Variants in ITPRID2 observed in about 807,000 individuals in gnomAD.
The protein encoded by ITPRID2 is protein ITPRID2.
ITPRID2 carries 60 observed loss-of-function variants against 124.3 expected under a neutral mutation model. The observed-to-expected ratio is 0.48, with a 90% CI of 0.39 to 0.60. The LOEUF (loss-of-function observed/expected upper bound fraction) is 0.60. Among genes scored for constraint, ITPRID2 ranks in the 20% least tolerant of loss-of-function variants. The probability of loss-of-function intolerance (pLI) is 0.00; values close to 1 mark genes in which losing one functional copy is unlikely to be tolerated. For synonymous variants in ITPRID2, 521 were observed against 542.9 expected (o/e 0.96, Z 0.56); for missense variants, 1,553 against 1,512.2 (o/e 1.03, Z -0.45).
intron 11 of ITPRID2, chr2:181,917,543 C>T (rs1015608418): frequency 3.3e-5 from 5 of 152,230 alleles, no homozygotes; most frequent in Non-Finnish European, 7.3e-5. Context: ...GTGCATCTTT[C>T]TAGGCCACCT....
intron 9 of ITPRID2, among the ~76,000 whole-genome samples, chr2:181,912,975 T>A (rs1487478455): frequency 6.6e-6 from 1 of 152,244 alleles, no homozygotes; most frequent in African/African-American, 2.4e-5. Context: ...ACCTTATACA[T>A]TTGCATCATT....
rs145696499 is a variant in ITPRID2 at position 181,911,639 on chromosome 2, C to A, written c.1486+1668C>A. On this transcript the variant is annotated intron_variant, in intron 9 of 17. Coordinates refer to ENST00000431877, the MANE Select transcript of ITPRID2 (RefSeq NM_001130445.3). ...GAAATCATATATTGTATCTTTAGGA[C>A]AGAGATCTAATCCTTTTTTATAGTT... is the stretch of plus-strand genomic sequence containing the variant. Among the ~76,000 whole-genome samples, 249 of 152,184 alleles carry A rather than the reference C, an allele frequency of 1.6e-3. 1 individual carries two copies. Among genetic ancestry groups the A allele is most frequent in the African/African-American group, 5.5e-3 (227 of 41,540 alleles).
chr2:181,913,903 T>C lies in ITPRID2; in HGVS notation c.1545T>C (p.Ser515=). 6.2e-7 allele frequency: 1 copy of C among 1,613,460 alleles called. No individual in the cohort carries two copies. Among genetic ancestry groups the C allele is most frequent in the South Asian group, 1.1e-5 (1 of 91,022 alleles). ...ATAGCAGTGGTTTTGCTGAAGATTC[T>C]ACAGACTGCCTATCCCTTAATCATC... The part of the protein sequence containing the change: ...HSDSSGFAED[S]TDCLSLNHLQ... The change falls in exon 10 of 18, where the codon TCT becomes TCC. Residue 515 remains serine, a synonymous_variant. Transcript: ENST00000431877.
intron 6 of ITPRID2, 37 bp from the exon 7 acceptor site, chr2:181,900,659 A>G: frequency 2.8e-6 from 4 of 1,429,016 alleles, no homozygotes; most frequent in Non-Finnish European, 3.9e-6. Context: ...TTTATTTTAT[A>G]TTTTCATGTT....
rs1438609559 is a variant in ITPRID2 at position 181,922,058 on chromosome 2, C to G, written c.3321C>G (p.Ser1107=). ...PPGESSESVF[S]QATSESSSVC... Reference sequence around the variant, plus strand: ...GAGAAAGCTCAGAATCTGTTTTTTCCCAAGCAACATCAGAATCATCTTCTG... The same window carrying G: ...GAGAAAGCTCAGAATCTGTTTTTTCGCAAGCAACATCAGAATCATCTTCTG... The change falls in exon 16 of 18, where the codon TCC becomes TCG. Residue 1107 remains serine, a synonymous_variant. Transcript: ENST00000431877. The G allele has an allele frequency of 1.2e-6, 2 of 1,613,998 alleles. No individual in the cohort carries two copies. The highest frequency in any genetic ancestry group is 8.5e-7 in the Non-Finnish European group (1 of 1,180,026).
chr2:181,906,675 G>T (rs1030147607), intron 8 of ITPRID2, among the ~76,000 whole-genome samples: 4 of 151,970 alleles, frequency 2.6e-5, no homozygotes, highest in Non-Finnish European at 5.9e-5. Flanking sequence ...GGCAGTTGAG[G>T]CTGCAGTGAG....
chr2:181,928,770 C>T (rs888060944), intron 17 of ITPRID2, among the ~76,000 whole-genome samples: 8 of 152,132 alleles, frequency 5.3e-5, no homozygotes, highest in East Asian at 1.9e-4. Flanking sequence ...GGACTACAGG[C>T]GCCAGCCACT....
rs1424265599 is a variant in ITPRID2 at position 181,892,317 on chromosome 2, G to C, written c.211+40G>C. On this transcript the variant is annotated intron_variant, in intron 1 of 17. Coordinates refer to ENST00000431877, the MANE Select transcript of ITPRID2 (RefSeq NM_001130445.3). The surrounding 1 kb of genome is among the most constrained non-coding windows in gnomAD (Gnocchi z 5.2). ...CCGGGCTCCGGGGGGAGGCTGGTGG[G>C]CTGGGGAGAGTCTCGTGCGCCCTGG... 6.6e-7 allele frequency: 1 copy of C among 1,513,438 alleles called. No homozygotes were observed. The highest frequency in any genetic ancestry group is 2.0e-5 in the Admixed American group (1 of 49,324). The allele number at this position is 1,513,438 out of a possible 1,614,324, so 93.8% of individuals were successfully genotyped here. A position where few individuals can be genotyped will look rare whatever the true frequency, so the allele number is the denominator to read the frequency against.
chr2:181,929,567 A>G lies in ITPRID2; in HGVS notation c.*20A>G, dbSNP rs781184652. 3.8e-5 allele frequency: 62 copies of G among 1,610,856 alleles called. No individual in the cohort carries two copies. The Admixed American group carries it at 9.4e-4, about 24-fold the overall frequency. The stretch of plus-strand genomic sequence containing the variant: ...TTCTCTTTTCTTTTTTAAGGTTGGC[A>G]TGGATCCTATTAGCTGTGTAATACT... On this transcript the variant is annotated 3_prime_UTR_variant, in exon 18 of 18. Coordinates refer to ENST00000431877, the MANE Select transcript of ITPRID2 (RefSeq NM_001130445.3).
chr2:181,892,772 A>T lies in ITPRID2; in HGVS notation c.257+112A>T. 3 of 1,319,530 alleles carry T rather than the reference A, an allele frequency of 2.3e-6. No individual in the cohort carries two copies. Among genetic ancestry groups the T allele is most frequent in the Non-Finnish European group, 3.2e-6 (3 of 928,004 alleles). 81.7% of individuals were successfully genotyped at this position (1,319,530 alleles called of 1,614,324 possible). On this transcript the variant is annotated intron_variant, in intron 2 of 17. Transcript: ENST00000431877. The surrounding 1 kb of genome is among the most constrained non-coding windows in gnomAD (Gnocchi z 5.2). Reference sequence around the variant, plus strand: ...GGGTCCCGCGACCGTTGTAAGCTACAAACCGGAAAGTGAGCCGGCGGATAG... The same window carrying T: ...GGGTCCCGCGACCGTTGTAAGCTACTAACCGGAAAGTGAGCCGGCGGATAG...
In ITPRID2 at chr2:181,928,817, G is replaced by T. The variant is rs957036289; in HGVS notation, c.*13+539G>T. On this transcript the variant is annotated intron_variant, in intron 17 of 17. Transcript: ENST00000431877. Reference sequence around the variant, plus strand: ...ATTTTTTGTATTTTTTAGTAGAGACGGGGTTTCACCGTTTTAGCCGGGATG... The same window carrying T: ...ATTTTTTGTATTTTTTAGTAGAGACTGGGTTTCACCGTTTTAGCCGGGATG... 4.6e-5 allele frequency among the ~76,000 whole-genome samples: 7 copies of T among 152,012 alleles called. 1 individual carries two copies. In the South Asian group the frequency reaches 1.5e-3, roughly 32 times the overall value.
chr2:181,892,895 CGTGTTA>C lies in ITPRID2; in HGVS notation c.257+237_257+242del. The C allele has an allele frequency of 1.7e-6, 1 of 585,792 alleles. No individual in the cohort carries two copies. The highest frequency in any genetic ancestry group is 3.1e-6 in the Non-Finnish European group (1 of 326,902). 36.3% of individuals were successfully genotyped at this position (585,792 alleles called of 1,614,324 possible). On this transcript the variant is annotated intron_variant, in intron 2 of 17. Coordinates refer to ENST00000431877, the MANE Select transcript of ITPRID2 (RefSeq NM_001130445.3). This position sits in a 1 kb window ranked among gnomAD's most constrained non-coding sequence, Gnocchi z 5.2. ...GTTAGGACTTGAGCTACTCACGCAT[CGTGTTA>C]GCATCAGAGATCAGAAATCCAGAAC...
rs10171957 is a variant in ITPRID2 at position 181,892,471 on chromosome 2, C to T, written c.212-144C>T. ...TCAACACAGACAACTGGGTGCCATC[C>T]GATTTCCCTGCCAAGGGACACTGAG... On this transcript the variant is annotated intron_variant, in intron 1 of 17. Transcript: ENST00000431877. This position sits in a 1 kb window ranked among gnomAD's most constrained non-coding sequence, Gnocchi z 5.2. 4.1e-3 allele frequency: 4,935 copies of T among 1,210,090 alleles called. 151 individuals are homozygous for T. The African/African-American group carries it at 0.067, about 16-fold the overall frequency. The allele number at this position is 1,210,090 out of a possible 1,614,324, so 75.0% of individuals were successfully genotyped here. A position where few individuals can be genotyped will look rare whatever the true frequency, so the allele number is the denominator to read the frequency against.
rs1336137223 is a variant in ITPRID2, at chr2:181,915,748, G to T, written c.2108G>T (p.Cys703Phe). 5 of 1,613,960 alleles carry T rather than the reference G, an allele frequency of 3.1e-6. No homozygotes were observed. The highest frequency in any genetic ancestry group is 3.4e-6 in the Non-Finnish European group (4 of 1,180,050). Residue 703 changes from cysteine (C) to phenylalanine (F), a missense_variant, in exon 11 of 18, where the codon TGC becomes TTC. Physicochemically the swap from Cys to Phe is radical, Grantham distance 205 (BLOSUM62 -2). Transcript: ENST00000431877. ...TALQRAQMKV[C>F]SLSNQRMGRS... Reference sequence around the variant, plus strand: ...TTGCAAAGAGCTCAAATGAAGGTTTGCAGTCTGTCTAATCAAAGGATGGGG... The same window carrying T: ...TTGCAAAGAGCTCAAATGAAGGTTTTCAGTCTGTCTAATCAAAGGATGGGG...
At position 181,900,784 on chromosome 2, in the gene ITPRID2, T is replaced by G; in HGVS notation, c.592T>G (p.Ser198Ala). The change falls in exon 7 of 18, where the codon TCT becomes GCT. Residue 198 changes from serine (S) to alanine (A), a missense_variant. Coordinates refer to ENST00000431877, the MANE Select transcript of ITPRID2 (RefSeq NM_001130445.3). Reference sequence around the variant, plus strand: ...TGGACGTGATGAACCAGATATTGCTTCTAAAATTCCTTCCAGATTTTTTAA... The same window carrying G: ...TGGACGTGATGAACCAGATATTGCTGCTAAAATTCCTTCCAGATTTTTTAA... ...GFGRDEPDIA[S>A]KIPSRFFNSS... 1 of 1,613,378 alleles carries G rather than the reference T, an allele frequency of 6.2e-7. No individual in the cohort carries two copies. The highest frequency in any genetic ancestry group is 8.5e-7 in the Non-Finnish European group (1 of 1,179,628).
At chr2:181,913,052 CT>C (rs1368901170) in intron 9 of ITPRID2, among the ~76,000 whole-genome samples, 2 of 151,810 alleles carry the variant, frequency 1.3e-5, no homozygotes, top group African/African-American at 4.8e-5. Flanking sequence ...ATTTACTGGC[CT>C]TAATTGTATT....
In ITPRID2 at chr2:181,913,597, C is replaced by T. The variant is rs139445483; in HGVS notation, c.1487-248C>T. ...TTATAATTAGAGCTTAATTAATGAG[C>T]GAATACCGAGAGATTCTAATAGAAG... On this transcript the variant is annotated intron_variant, in intron 9 of 17. Coordinates refer to ENST00000431877, the MANE Select transcript of ITPRID2 (RefSeq NM_001130445.3). Among the ~76,000 whole-genome samples, 35 of 152,200 alleles carry T rather than the reference C, an allele frequency of 2.3e-4. No homozygotes were observed. The East Asian group carries it at 6.6e-3, about 29-fold the overall frequency.
At chr2:181,900,623 A>G (rs1396506100) in intron 6 of ITPRID2, 73 bp from the exon 7 acceptor site, 4 of 1,033,460 alleles carry the variant, frequency 3.9e-6, no homozygotes, top group African/African-American at 3.2e-5. Flanking sequence ...ATATGTATTC[A>G]TTTATAATGT....
At position 181,901,897 on chromosome 2, in the gene ITPRID2, C is replaced by A. The variant is rs1692696474; in HGVS notation, c.844C>A (p.Pro282Thr). ...AGTGACCTCTAACAAGGAGACAGAC[C>A]CACCTCCACCTTTAACTCGAAGTAA... ...SSVTSNKETD[P>T]PPPLTRSNTA... The change falls in exon 8 of 18, where the codon CCA (proline) becomes ACA (threonine). Residue 282 changes from proline (P) to threonine (T), a missense_variant. By Grantham distance (38) the Pro-to-Thr change is conservative. Coordinates refer to ENST00000431877, the MANE Select transcript of ITPRID2 (RefSeq NM_001130445.3). The A allele has an allele frequency of 6.2e-7, 1 of 1,613,764 alleles. No individual in the cohort carries two copies. Among genetic ancestry groups the A allele is most frequent in the Non-Finnish European group, 8.5e-7 (1 of 1,179,866 alleles).
Sources: gnomAD v4.1 joint callset for allele counts (sites outside exome capture counted in the v4.1 genomes callset) on GRCh38, gnomAD v4.1.1 for gene constraint, Gnocchi (gnomAD v3.1) non-coding constraint, MANE v1.5 for transcripts, NCBI Gene and HGNC (gene_info 2026-07-23, HGNC 2026-07-21) for gene names.